Variants in LYPLAL1 observed in about 807,000 individuals in gnomAD.
LYPLAL1 encodes the protein lysophospholipase-like protein 1.
LYPLAL1 carries 23 observed loss-of-function variants against 19.7 expected under a neutral mutation model. That is an observed-to-expected ratio of 1.17 (90% CI 0.84 to 1.65). The LOEUF (loss-of-function observed/expected upper bound fraction) is 1.65, where lower values mean the gene tolerates loss of function less well. LYPLAL1 is among the 40% of genes most tolerant of loss of function. The pLI is 0.00. For missense variants in LYPLAL1, 355 were observed against 279.4 expected (o/e 1.27, Z -1.93); for synonymous variants, 119 against 96.3 (o/e 1.24, Z -1.38).
At chr1:219,428,138 G>C in the LYPLAL1 span, among the ~76,000 whole-genome samples, 1 of 152,228 alleles carries the variant, frequency 6.6e-6, no homozygotes, top group Non-Finnish European at 1.5e-5. Flanking sequence ...CAAACTCCAT[G>C]ATGGCAACAA....
chr1:219,417,389 T>G, the LYPLAL1 span, among the ~76,000 whole-genome samples: 1 of 152,104 alleles, frequency 6.6e-6, no homozygotes, highest in African/African-American at 2.4e-5. Context: ...CTGCAAATAG[T>G]TTTTTAAAAT....
chr1:219,282,572 A>T, the LYPLAL1 span, among the ~76,000 whole-genome samples: 1 of 151,060 alleles, frequency 6.6e-6, no homozygotes, highest in Non-Finnish European at 1.5e-5. Context: ...TCAAGAAAAG[A>T]TCCTAGAAGC....
the LYPLAL1 span, among the ~76,000 whole-genome samples, chr1:219,413,398 A>T: frequency 1.3e-5 from 2 of 152,234 alleles, no homozygotes; most frequent in Non-Finnish European, 2.9e-5. Context: ...TGATCCATGT[A>T]CCAGATAAAC....
In LYPLAL1 at chr1:219,200,859, C is replaced by G. The variant is rs6672304; in HGVS notation, c.361+7608C>G. On this transcript the variant is annotated intron_variant, in intron 3 of 4. Coordinates refer to ENST00000366928, the MANE Select transcript of LYPLAL1 (RefSeq NM_138794.5). ...CTGAGGACAGGAGCTTCTGTCTCCCCGGAGTTGCCTCCTGGTACAAGGAAG... is the reference window on the plus strand; with the variant it reads ...CTGAGGACAGGAGCTTCTGTCTCCCGGGAGTTGCCTCCTGGTACAAGGAAG... 1.9e-3 allele frequency among the ~76,000 whole-genome samples: 287 copies of G among 152,326 alleles called. 2 individuals carry two copies. The highest frequency in any genetic ancestry group is 6.5e-3 in the African/African-American group (272 of 41,568).
chr1:219,429,940 T>C, the LYPLAL1 span, among the ~76,000 whole-genome samples: 11 of 152,104 alleles, frequency 7.2e-5, no homozygotes, highest in Admixed American at 5.2e-4. Context: ...AGTCCAGGTG[T>C]CTCATTATTT....
At chr1:219,431,982 A>G in the LYPLAL1 span, among the ~76,000 whole-genome samples, 1 of 152,252 alleles carries the variant, frequency 6.6e-6, no homozygotes, top group African/African-American at 2.4e-5. Flanking sequence ...GTGTTTAAGT[A>G]CAGTGCCTGA....
chr1:219,389,513 G>A, the LYPLAL1 span, among the ~76,000 whole-genome samples: 1 of 152,186 alleles, frequency 6.6e-6, no homozygotes, highest in South Asian at 2.1e-4. Context: ...CTTTATAAAT[G>A]TAAATTGCCC....
At chr1:219,300,868 G>C in the LYPLAL1 span, among the ~76,000 whole-genome samples, 1 of 151,960 alleles carries the variant, frequency 6.6e-6, no homozygotes, top group African/African-American at 2.4e-5. Context: ...TGAGAGTTCA[G>C]AATTAGCCAG....
chr1:219,285,891 T>C, the LYPLAL1 span, among the ~76,000 whole-genome samples: 1 of 152,184 alleles, frequency 6.6e-6, no homozygotes, highest in Non-Finnish European at 1.5e-5. Flanking sequence ...GAATTTCATC[T>C]TTTTCTCCTT....
chr1:219,180,836 T>C (rs973473329), intron 2 of LYPLAL1, among the ~76,000 whole-genome samples: 1 of 152,174 alleles, frequency 6.6e-6, no homozygotes, highest in Admixed American at 6.5e-5. Context: ...TAGGCCAGAG[T>C]TATTTCAGAA....
At chr1:219,333,500 C>T in the LYPLAL1 span, among the ~76,000 whole-genome samples, 9 of 151,956 alleles carry the variant, frequency 5.9e-5, no homozygotes, top group African/African-American at 2.2e-4. Context: ...ACCAATGCTC[C>T]CGATCTCAAA....
intron 2 of LYPLAL1, among the ~76,000 whole-genome samples, chr1:219,192,623 C>CT (rs1657271980): frequency 2.6e-5 from 4 of 151,618 alleles, no homozygotes; most frequent in Admixed American, 2.0e-4. Flanking sequence ...ACAGAAATCT[C>CT]TAAGGTTTTT....
Position 219,187,775 on chromosome 1 carries a change from A to G in LYPLAL1, c.192-5307A>G, listed in dbSNP as rs544730818. ...CTTTACTCCATCACTTAGAATTCCT[A>G]TCTGAAGCATGATAGTAGGAGAGCC... On this transcript the variant is annotated intron_variant, in intron 2 of 4. Transcript: ENST00000366928. Among the ~76,000 whole-genome samples the G allele has an allele frequency of 1.3e-4, 20 of 151,862 alleles. 1 individual carries two copies. In the East Asian group the frequency reaches 3.7e-3, roughly 28 times the overall value.
At chr1:219,376,357 T>C in the LYPLAL1 span, among the ~76,000 whole-genome samples, 2 of 152,112 alleles carry the variant, frequency 1.3e-5, no homozygotes, top group Non-Finnish European at 2.9e-5. Context: ...AAGACAAATA[T>C]AAAAGCAAAA....
the LYPLAL1 span, among the ~76,000 whole-genome samples, chr1:219,273,689 G>T: frequency 6.6e-6 from 1 of 152,150 alleles, no homozygotes; most frequent in African/African-American, 2.4e-5. Context: ...AAAAGGAATT[G>T]TTTCTCTCTG....
chr1:219,263,360 C>T, the LYPLAL1 span, among the ~76,000 whole-genome samples: 2 of 152,236 alleles, frequency 1.3e-5, no homozygotes, highest in South Asian at 4.1e-4. Context: ...CCAATAGTGC[C>T]AAGTTTATAT....
the LYPLAL1 span, among the ~76,000 whole-genome samples, chr1:219,259,812 A>T: frequency 6.6e-6 from 1 of 151,736 alleles, no homozygotes; most frequent in Non-Finnish European, 1.5e-5. Flanking sequence ...AATTAAGAAA[A>T]AAGAAAAATT....
the LYPLAL1 span, among the ~76,000 whole-genome samples, chr1:219,252,862 C>T: frequency 1.2e-4 from 19 of 152,010 alleles, no homozygotes; most frequent in Non-Finnish European, 2.4e-4. Flanking sequence ...GGAAGGGTAC[C>T]AGCTCATCTT....
chr1:219,348,765 AT>A, the LYPLAL1 span, among the ~76,000 whole-genome samples: 1 of 152,062 alleles, frequency 6.6e-6, no homozygotes, highest in Non-Finnish European at 1.5e-5. Context: ...ATATTTACAT[AT>A]TTTTTCAACA....
Sources: allele counts gnomAD v4.1 joint callset (sites outside exome capture counted in the v4.1 genomes callset), GRCh38; gene constraint gnomAD v4.1.1; transcripts MANE v1.5; gene names NCBI Gene and HGNC (gene_info 2026-07-23, HGNC 2026-07-21).